Variants in TMTC2 observed in about 807,000 individuals in gnomAD.
TMTC2 encodes transmembrane O-mannosyltransferase targeting cadherins 2.
Under a neutral mutation model 82.4 loss-of-function variants are expected in TMTC2, and 43 were observed. That is an observed-to-expected ratio of 0.52 (90% CI 0.41 to 0.67). The LOEUF (loss-of-function observed/expected upper bound fraction) is 0.67, where lower values mean the gene tolerates loss of function less well. Ranked by LOEUF, TMTC2 falls within the 30% of genes least tolerant of loss-of-function variation. The probability of loss-of-function intolerance (pLI) is 0.00; values close to 1 mark genes in which losing one functional copy is unlikely to be tolerated. For missense variants in TMTC2, 919 were observed against 1,012.4 expected (o/e 0.91, Z 1.25); for synonymous variants, 408 against 381.9 (o/e 1.07, Z -0.80).
chr12:82,904,986 T>C (rs1411427565), intron 3 of TMTC2, among the ~76,000 whole-genome samples: 1 of 151,512 alleles, frequency 6.6e-6, no homozygotes, highest in Non-Finnish European at 1.5e-5. Flanking sequence ...TTGTTTCTTT[T>C]TTTTTTTTTT....
At chr12:82,984,290 A>G (rs1381843470) in intron 7 of TMTC2, among the ~76,000 whole-genome samples, 1 of 152,150 alleles carries the variant, frequency 6.6e-6, no homozygotes, top group Admixed American at 6.5e-5. Context: ...CGAACTAGAA[A>G]CACATAGATA....
chr12:82,829,765 G>A (rs1386194066), intron 1 of TMTC2, among the ~76,000 whole-genome samples: 1 of 152,164 alleles, frequency 6.6e-6, no homozygotes, highest in Non-Finnish European at 1.5e-5. Context: ...AATGTCAGAG[G>A]GCTTCTGAAG....
intron 2 of TMTC2, among the ~76,000 whole-genome samples, chr12:82,878,628 G>C (rs2137151477): frequency 6.6e-6 from 1 of 152,288 alleles, no homozygotes; most frequent in East Asian, 1.9e-4. Flanking sequence ...AGTTTAGATA[G>C]TAAAGATGGG....
chr12:82,941,035 A>G (rs1374665582), intron 4 of TMTC2, among the ~76,000 whole-genome samples: 10 of 152,198 alleles, frequency 6.6e-5, no homozygotes, highest in Non-Finnish European at 1.3e-4. Context: ...ACAAAATACC[A>G]TAACGGAGAA....
At chr12:82,854,641 T>A (rs1042678205) in intron 1 of TMTC2, among the ~76,000 whole-genome samples, 2 of 152,200 alleles carry the variant, frequency 1.3e-5, no homozygotes, top group African/African-American at 4.8e-5. Flanking sequence ...AAAGTTCATT[T>A]GTATGGAAAA....
intron 11 of TMTC2, among the ~76,000 whole-genome samples, chr12:83,067,734 A>C (rs1882970030): frequency 6.6e-6 from 1 of 152,040 alleles, no homozygotes; most frequent in Non-Finnish European, 1.5e-5. Context: ...GGAATAAATA[A>C]GTACCAATGA....
At chr12:82,916,623 A>G (rs748734891) in intron 3 of TMTC2, among the ~76,000 whole-genome samples, 16 of 152,224 alleles carry the variant, frequency 1.1e-4, no homozygotes, top group Non-Finnish European at 2.2e-4. Flanking sequence ...CCGTAGATAC[A>G]CTAAAACAAA....
intron 8 of TMTC2, among the ~76,000 whole-genome samples, chr12:83,025,474 T>G (rs948126577): frequency 7.2e-5 from 11 of 152,006 alleles, no homozygotes; most frequent in African/African-American, 2.4e-4. Flanking sequence ...ACTCTCAACC[T>G]AAAACACTTC....
At chr12:83,030,588 T>C (rs1003692829) in intron 8 of TMTC2, among the ~76,000 whole-genome samples, 20 of 152,184 alleles carry the variant, frequency 1.3e-4, no homozygotes, top group African/African-American at 4.8e-4. Context: ...TCTTCTGTTA[T>C]ATATTCTTCA....
chr12:82,807,975 A>G (rs1287374574), intron 1 of TMTC2, among the ~76,000 whole-genome samples: 1 of 152,032 alleles, frequency 6.6e-6, no homozygotes, highest in Admixed American at 6.6e-5. Context: ...AAAAATTTTT[A>G]GGTTTTATTT....
chr12:82,907,221 T>A (rs903328734), intron 3 of TMTC2, among the ~76,000 whole-genome samples: 1 of 151,900 alleles, frequency 6.6e-6, no homozygotes, highest in Admixed American at 6.6e-5. Context: ...ACCAGCACTT[T>A]GGGAGGCCAA....
chr12:83,110,250 T>C (rs1207451679), intron 11 of TMTC2, among the ~76,000 whole-genome samples: 1 of 152,202 alleles, frequency 6.6e-6, no homozygotes, highest in African/African-American at 2.4e-5. Flanking sequence ...ATGCCTTTGG[T>C]CTTGACTACT....
At chr12:82,796,744 G>A (rs1031237192) in intron 1 of TMTC2, among the ~76,000 whole-genome samples, 3 of 152,092 alleles carry the variant, frequency 2.0e-5, no homozygotes, top group Non-Finnish European at 2.9e-5. Context: ...ATTAAGCAGA[G>A]TGGTCTAAAG....
intron 4 of TMTC2, among the ~76,000 whole-genome samples, chr12:82,944,739 C>G (rs763449690): frequency 6.6e-6 from 1 of 152,054 alleles, no homozygotes; most frequent in Non-Finnish European, 1.5e-5. Context: ...TTTCTATGGA[C>G]TTTTTTGTGT....
intron 1 of TMTC2, among the ~76,000 whole-genome samples, chr12:82,718,608 A>G (rs958365551): frequency 1.3e-5 from 2 of 152,214 alleles, no homozygotes; most frequent in African/African-American, 2.4e-5. Context: ...ACTAAGCCTG[A>G]ACTCAGAAGA....
intron 2 of TMTC2, among the ~76,000 whole-genome samples, chr12:82,876,042 G>GTATTAGTAA (rs1247055002): frequency 2.5e-5 from 3 of 120,260 alleles, no homozygotes; most frequent in African/African-American, 1.0e-4. Context: ...GGTGGTGGTG[G>GTATTAGTAA]TGGTGGTGGT....
chr12:83,015,914 C>G (rs929552288), intron 8 of TMTC2, among the ~76,000 whole-genome samples: 1 of 152,144 alleles, frequency 6.6e-6, no homozygotes. Flanking sequence ...CCCCTTTCCA[C>G]CTAGTTTAAA....
chr12:82,940,862 G>A (rs1876679421), intron 4 of TMTC2, among the ~76,000 whole-genome samples: 2 of 151,472 alleles, frequency 1.3e-5, no homozygotes, highest in South Asian at 2.1e-4. Flanking sequence ...ACTAATACTT[G>A]GCTCTTTTTA....
chr12:82,873,433 T>TG (rs1475903019), intron 2 of TMTC2, among the ~76,000 whole-genome samples: 3 of 152,144 alleles, frequency 2.0e-5, no homozygotes, highest in Admixed American at 1.3e-4. Flanking sequence ...ATATCTTCTT[T>TG]GGGGTTGTGT....
Sources: gnomAD v4.1 joint callset for allele counts (sites outside exome capture counted in the v4.1 genomes callset) on GRCh38, gnomAD v4.1.1 for gene constraint, MANE v1.5 for transcripts, NCBI Gene and HGNC (gene_info 2026-07-23, HGNC 2026-07-21) for gene names.